Variants in ITPR2 observed in about 807,000 individuals in gnomAD.
ITPR2 encodes inositol 1,4,5-trisphosphate-gated calcium channel ITPR2.
A neutral mutation model predicts 317.1 loss-of-function variants in ITPR2; 207 were observed. The ratio of observed to expected loss-of-function variants is 0.65; its 90% CI spans 0.58 to 0.73. The LOEUF (loss-of-function observed/expected upper bound fraction) is 0.73, where lower values mean the gene tolerates loss of function less well. ITPR2 is among the 30% of genes least tolerant of loss of function. The probability of loss-of-function intolerance (pLI) is 0.00; values close to 1 mark genes in which losing one functional copy is unlikely to be tolerated. For synonymous variants in ITPR2, 1,156 were observed against 1,149.1 expected, an observed-to-expected ratio of 1.01 and a Z score of -0.12; for missense variants, 2,613 against 3,284.0, an observed-to-expected ratio of 0.80 and a Z score of 4.99.
At chr12:26,411,649 A>G (rs1016547625) in intron 51 of ITPR2, among the ~76,000 whole-genome samples, 2 of 152,206 alleles carry the variant, frequency 1.3e-5, no homozygotes, top group Non-Finnish European at 2.9e-5. Flanking sequence ...ACCTTTTTTA[A>G]GTGGTTGAGA....
At chr12:26,665,009 A>C (rs77499426) in intron 14 of ITPR2, among the ~76,000 whole-genome samples, 2 of 152,272 alleles carry the variant, frequency 1.3e-5, no homozygotes, top group East Asian at 3.9e-4. Context: ...ATTAATGAAG[A>C]AACTCATTAA....
intron 51 of ITPR2, among the ~76,000 whole-genome samples, chr12:26,414,640 T>C (rs888799434): frequency 6.6e-6 from 1 of 151,782 alleles, no homozygotes; most frequent in African/African-American, 2.4e-5. Flanking sequence ...GCTTAATAAA[T>C]AAAAAAATCA....
chr12:26,540,920 T>C (rs1944240585), intron 37 of ITPR2, among the ~76,000 whole-genome samples: 2 of 152,202 alleles, frequency 1.3e-5, no homozygotes, highest in African/African-American at 2.4e-5. Context: ...TGGAAGAGCA[T>C]GCTAATAATG....
chr12:26,613,772 A>G (rs1490646633), intron 26 of ITPR2, among the ~76,000 whole-genome samples: 1 of 152,154 alleles, frequency 6.6e-6, no homozygotes, highest in Non-Finnish European at 1.5e-5. Context: ...AAAAGAGGGG[A>G]AAAAATTCTC....
intron 26 of ITPR2, among the ~76,000 whole-genome samples, chr12:26,610,957 T>C (rs1946250320): frequency 6.6e-6 from 1 of 152,020 alleles, no homozygotes; most frequent in South Asian, 2.1e-4. Flanking sequence ...CGCACAGGAG[T>C]GCTGGGTGCC....
intron 1 of ITPR2, chr12:26,800,891 C>G (rs1245622542): frequency 6.5e-6 from 1 of 154,770 alleles, no homozygotes; most frequent in African/African-American, 3.0e-5. Flanking sequence ...GGAGCTTGCC[C>G]TGGCCTGCGA....
At position 26,832,842 on chromosome 12, in the gene ITPR2, C is replaced by G; in HGVS notation, c.-61G>C. 7.5e-7 allele frequency: 1 copy of G among 1,326,420 alleles called. No homozygotes were observed. Among genetic ancestry groups the G allele is most frequent in the South Asian group, 1.2e-5 (1 of 82,396 alleles). 82.2% of individuals were successfully genotyped at this position (1,326,420 alleles called of 1,614,324 possible). A position where few individuals can be genotyped will look rare whatever the true frequency, so the allele number is the denominator to read the frequency against. ...TCCCTGCGCCCTCGCCGCCCTCTCTCCAGGGAGCCGCCGCGGCAGAAGCGG... is the reference window on the plus strand; with the variant it reads ...TCCCTGCGCCCTCGCCGCCCTCTCTGCAGGGAGCCGCCGCGGCAGAAGCGG... On this transcript the variant is annotated 5_prime_UTR_variant, in exon 1 of 57. Coordinates refer to ENST00000381340, the MANE Select transcript of ITPR2 (RefSeq NM_002223.4).
chr12:26,458,001 T>A (rs764764340), intron 45 of ITPR2, among the ~76,000 whole-genome samples: 1 of 152,220 alleles, frequency 6.6e-6, no homozygotes, highest in Non-Finnish European at 1.5e-5. Flanking sequence ...AAGGGTCACC[T>A]GAGCATGTTG....
intron 26 of ITPR2, among the ~76,000 whole-genome samples, chr12:26,615,438 A>C (rs1346558996): frequency 2.0e-5 from 3 of 152,200 alleles, no homozygotes; most frequent in Non-Finnish European, 2.9e-5. Context: ...AGAGAGACTC[A>C]GATGAGTCTA....
chr12:26,567,978 T>TATATATATATTATATATAA (rs1555157717), intron 34 of ITPR2, among the ~76,000 whole-genome samples: 1 of 27,174 alleles, frequency 3.7e-5, no homozygotes, highest in African/African-American at 1.3e-4. Context: ...ATTATATATA[T>TATATATATATTATATATAA]TATATATATA....
At chr12:26,537,696 T>TA (rs1347783143) in intron 37 of ITPR2, among the ~76,000 whole-genome samples, 3 of 152,236 alleles carry the variant, frequency 2.0e-5, no homozygotes, top group African/African-American at 7.2e-5. Flanking sequence ...TGTGCTCATT[T>TA]ACATATCACA....
intron 54 of ITPR2, among the ~76,000 whole-genome samples, chr12:26,397,607 C>T (rs993455851): frequency 6.6e-6 from 1 of 152,066 alleles, no homozygotes; most frequent in South Asian, 2.1e-4. Context: ...TATTTGTTTC[C>T]ACTGAATATA....
Position 26,781,989 on chromosome 12 carries a change from C to CAT in ITPR2, c.163+8167_163+8168insAT, listed in dbSNP as rs1565759400. Among the ~76,000 whole-genome samples, 77 of 73,560 alleles carry CAT rather than the reference C, an allele frequency of 1.0e-3. 1 individual carries two copies. Among genetic ancestry groups the CAT allele is most frequent in the African/African-American group, 4.2e-3 (72 of 17,264 alleles). The allele number at this position is 73,560 out of a possible 152,430, so 48.3% of individuals were successfully genotyped here. A position where few individuals can be genotyped will look rare whatever the true frequency, so the allele number is the denominator to read the frequency against. ...GAGTTAATACTACTTAATAAACTCC[C>CAT]CTGTATATATATATATATATATATA... On this transcript the variant is annotated intron_variant, in intron 2 of 56. Transcript: ENST00000381340.
At position 26,597,142 on chromosome 12, in the gene ITPR2, GATA is replaced by G. The variant is rs1334404657; in HGVS notation, c.4003-11_4003-9del. On this transcript the variant is annotated splice_polypyrimidine_tract_variant and intron_variant, in intron 30 of 56. Transcript: ENST00000381340. ...TTCACCCCCATTTATCAACTGAAAT[GATA>G]ATAAGAGAGTCTATGTAGCAGTCCG... 5 of 1,613,116 alleles carry G rather than the reference GATA, an allele frequency of 3.1e-6. No homozygotes were observed. Among genetic ancestry groups the G allele is most frequent in the East Asian group, 2.2e-5 (1 of 44,902 alleles).
chr12:26,659,067 GC>G (rs1947435601), intron 16 of ITPR2, 45 bp downstream of exon 16: 1 of 1,476,878 alleles, frequency 6.8e-7, no homozygotes, highest in African/African-American at 1.4e-5. Context: ...AAAACATAAA[GC>G]CGCAATCTCC....
At chr12:26,385,599 T>A (rs1240394940) in intron 55 of ITPR2, among the ~76,000 whole-genome samples, 1 of 152,218 alleles carries the variant, frequency 6.6e-6, no homozygotes, top group Non-Finnish European at 1.5e-5. Flanking sequence ...CTACCTTTTT[T>A]ATTCAAAGTT....
chr12:26,580,301 G>A, intron 32 of ITPR2, 146 bp from the exon 33 acceptor site: 1 of 653,980 alleles, frequency 1.5e-6, no homozygotes, highest in Non-Finnish European at 2.5e-6. Context: ...AAGCATTTCA[G>A]CCTGAAATCA....
intron 35 of ITPR2, among the ~76,000 whole-genome samples, 189 bp downstream of exon 35, chr12:26,561,573 C>T (rs1313234558): frequency 6.6e-6 from 1 of 152,058 alleles, no homozygotes; most frequent in East Asian, 1.9e-4. Context: ...AATATACACT[C>T]ATTAAAAAAT....
intron 54 of ITPR2, among the ~76,000 whole-genome samples, chr12:26,390,254 T>C (rs1444479673): frequency 6.6e-6 from 1 of 152,176 alleles, no homozygotes; most frequent in African/African-American, 2.4e-5. Context: ...CATAACCCAC[T>C]CCTGGGTATA....
Sources: gnomAD v4.1 joint callset for allele counts (sites outside exome capture counted in the v4.1 genomes callset) on GRCh38, gnomAD v4.1.1 for gene constraint, MANE v1.5 for transcripts, NCBI Gene and HGNC (gene_info 2026-07-23, HGNC 2026-07-21) for gene names.